Variants in INTS15 observed in about 807,000 individuals in gnomAD.
The protein encoded by INTS15 is uncharacterized protein C7orf26.
the INTS15 span, among the ~76,000 whole-genome samples, chr7:6,604,971 C>G: frequency 1.3e-5 from 2 of 152,046 alleles, no homozygotes; most frequent in African/African-American, 4.8e-5. Flanking sequence ...TTCCTCTCCT[C>G]TTTTTCTTTT....
At chr7:6,590,264 G>C in the INTS15 span, 4 of 1,499,996 alleles carry the variant, frequency 2.7e-6, no homozygotes, top group Non-Finnish European at 3.5e-6. Flanking sequence ...GCTCGGCGCG[G>C]GGGCCGCGGC....
At chr7:6,606,553 C>T in the INTS15 span, among the ~76,000 whole-genome samples, 2 of 152,084 alleles carry the variant, frequency 1.3e-5, no homozygotes, top group Non-Finnish European at 2.9e-5. Context: ...AGGACCCAGC[C>T]GGAGCAAGAT....
the INTS15 span, chr7:6,602,231 T>C: frequency 1.9e-6 from 2 of 1,049,888 alleles, no homozygotes; most frequent in Non-Finnish European, 2.8e-6. Context: ...CCTGGGTTCT[T>C]TGGGGAGAGC....
the INTS15 span, among the ~76,000 whole-genome samples, chr7:6,604,161 C>G: frequency 1.3e-5 from 2 of 152,178 alleles, no homozygotes; most frequent in African/African-American, 4.8e-5. Context: ...CTGCAAGCCT[C>G]TGCGTCCTGG....
At chr7:6,591,542 G>A in the INTS15 span, 1 of 1,009,230 alleles carries the variant, frequency 9.9e-7, no homozygotes, top group South Asian at 1.4e-5. Flanking sequence ...GGGATTACAG[G>A]CATGAGCCAC....
the INTS15 span, chr7:6,607,475 CG>C: frequency 1.6e-6 from 2 of 1,247,036 alleles, no homozygotes; most frequent in East Asian, 1.1e-4. The surrounding 1 kb of genome is among the most constrained non-coding windows in gnomAD (Gnocchi z 6.0). Context: ...AGGTCTGTAA[CG>C]GCTGGGTCCA....
At chr7:6,594,238 C>G in the INTS15 span, among the ~76,000 whole-genome samples, 9 of 147,916 alleles carry the variant, frequency 6.1e-5, no homozygotes, top group Non-Finnish European at 1.0e-4. Context: ...AACTCCTGAC[C>G]TCAGGTGATC....
the INTS15 span, among the ~76,000 whole-genome samples, chr7:6,592,477 G>A: frequency 1.3e-5 from 2 of 151,496 alleles, no homozygotes; most frequent in African/African-American, 2.4e-5. Context: ...TGAGGCAGGA[G>A]AATCGTGTGA....
the INTS15 span, chr7:6,607,648 T>C: frequency 6.7e-7 from 1 of 1,485,886 alleles, no homozygotes; most frequent in Non-Finnish European, 9.0e-7. This position sits in a 1 kb window ranked among gnomAD's most constrained non-coding sequence, Gnocchi z 6.0. Flanking sequence ...AGCTGTTCTG[T>C]GTGTCCCAGC....
chr7:6,593,616 G>C, the INTS15 span, among the ~76,000 whole-genome samples: 1 of 150,648 alleles, frequency 6.6e-6, no homozygotes, highest in African/African-American at 2.4e-5. Flanking sequence ...TTACAGGGAT[G>C]AGCCACCACA....
the INTS15 span, chr7:6,602,699 A>C: frequency 2.1e-6 from 1 of 471,016 alleles, no homozygotes; most frequent in South Asian, 1.5e-5. Context: ...GGTGTTTGTG[A>C]ATTTCTCATC....
chr7:6,590,322 G>C, the INTS15 span: 2 of 1,592,072 alleles, frequency 1.3e-6, no homozygotes, highest in African/African-American at 2.7e-5. Flanking sequence ...GCCGCGATGC[G>C]CTGAGCGCCG....
At chr7:6,590,782 G>A in the INTS15 span, among the ~76,000 whole-genome samples, 3 of 152,138 alleles carry the variant, frequency 2.0e-5, no homozygotes, top group South Asian at 2.1e-4. Flanking sequence ...CCTCCAGGAG[G>A]ATGTATAATG....
At chr7:6,596,402 G>A in the INTS15 span, among the ~76,000 whole-genome samples, 13 of 113,356 alleles carry the variant, frequency 1.1e-4, no homozygotes, top group South Asian at 2.1e-3. Context: ...TTTTTGAGAC[G>A]GAATCTCACT....
chr7:6,598,735 T>TGTGTGTGTG, the INTS15 span, among the ~76,000 whole-genome samples: 1 of 83,618 alleles, frequency 1.2e-5, no homozygotes, highest in Non-Finnish European at 2.1e-5. Flanking sequence ...GCTGTATGCT[T>TGTGTGTGTG]TGTGTGTGTG....
chr7:6,598,299 A>G, the INTS15 span, among the ~76,000 whole-genome samples: 2 of 151,996 alleles, frequency 1.3e-5, no homozygotes, highest in South Asian at 2.1e-4. Context: ...GCGAAACCCC[A>G]TCTCTACTAA....
the INTS15 span, chr7:6,590,416 G>A: frequency 1.2e-6 from 2 of 1,604,896 alleles, no homozygotes; most frequent in Admixed American, 3.4e-5. Flanking sequence ...CAAGGGCCCC[G>A]TGGAGCTGCT....
the INTS15 span, among the ~76,000 whole-genome samples, chr7:6,594,790 A>C: frequency 6.6e-6 from 1 of 152,076 alleles, no homozygotes; most frequent in African/African-American, 2.4e-5. Flanking sequence ...GTGTTATCTC[A>C]GCTCACTGTA....
chr7:6,599,772 T>C, the INTS15 span: 1 of 1,556,206 alleles, frequency 6.4e-7, no homozygotes, highest in Non-Finnish European at 8.8e-7. Context: ...TCTCTCCACT[T>C]CCCGCCCCTG....
Sources: allele counts gnomAD v4.1 joint callset (sites outside exome capture counted in the v4.1 genomes callset), GRCh38; gene constraint gnomAD v4.1.1; non-coding constraint Gnocchi (gnomAD v3.1); transcripts MANE v1.5; gene names NCBI Gene and HGNC (gene_info 2026-07-23, HGNC 2026-07-21).